Variants in SLIT3 observed in about 807,000 individuals in gnomAD.
SLIT3 encodes slit guidance ligand 3.
In SLIT3, 68 loss-of-function variants were observed where a neutral mutation model predicts 184.0. The ratio of observed to expected loss-of-function variants is 0.37; its 90% CI spans 0.30 to 0.45. The LOEUF (loss-of-function observed/expected upper bound fraction) is 0.45, where lower values mean the gene tolerates loss of function less well. SLIT3 is among the 20% of genes least tolerant of loss of function. SLIT3 has a pLI of 1.00. For missense variants in SLIT3, 1,707 were observed against 2,026.0 expected (o/e 0.84, Z 3.02); for synonymous variants, 831 against 828.6 (o/e 1.00, Z -0.05).
chr5:168,724,737 T>C (rs1202863220), intron 20 of SLIT3, among the ~76,000 whole-genome samples: 2 of 151,708 alleles, frequency 1.3e-5, no homozygotes, highest in East Asian at 3.9e-4. Context: ...TTGCCCACCG[T>C]TGGATCCCCC....
intron 1 of SLIT3, among the ~76,000 whole-genome samples, chr5:169,257,441 A>G (rs895245082): frequency 6.7e-6 from 1 of 149,542 alleles, no homozygotes; most frequent in Non-Finnish European, 1.5e-5. Context: ...TTCAAGAAAT[A>G]ACTCCTAAAC....
intron 4 of SLIT3, among the ~76,000 whole-genome samples, chr5:168,981,289 A>G (rs1754938068): frequency 6.6e-6 from 1 of 152,154 alleles, no homozygotes; most frequent in Non-Finnish European, 1.5e-5. Flanking sequence ...ATAGGGACTG[A>G]CTACGCAACA....
intron 1 of SLIT3, among the ~76,000 whole-genome samples, chr5:169,290,739 C>T (rs1182323754): frequency 1.3e-5 from 2 of 150,506 alleles, no homozygotes; most frequent in Non-Finnish European, 3.0e-5. Flanking sequence ...CACGCTAAGG[C>T]ACACACTAGG....
chr5:168,965,399 C>G (rs140725794), intron 4 of SLIT3, among the ~76,000 whole-genome samples: 1 of 152,296 alleles, frequency 6.6e-6, no homozygotes, highest in African/African-American at 2.4e-5. Flanking sequence ...AGCAAACGTT[C>G]AGGCTTTGAT....
At position 169,229,642 on chromosome 5, in the gene SLIT3, T is replaced by TTCTCTCTCTCTCTC. The variant is rs60056409; in HGVS notation, c.341+15049_341+15062dup. Among the ~76,000 whole-genome samples, 439 of 148,314 alleles carry TTCTCTCTCTCTCTC rather than the reference T, an allele frequency of 3.0e-3. 3 individuals carry two copies. Among genetic ancestry groups the TTCTCTCTCTCTCTC allele is most frequent in the Non-Finnish European group, 5.1e-3 (342 of 66,848 alleles). ...AAAGCGTACTTAGTCAAATAAATTCTTCTCTCTCTCTCTCTCTCTCTCTCT... is the reference window on the plus strand; with the variant it reads ...AAAGCGTACTTAGTCAAATAAATTCTTCTCTCTCTCTCTCTCTCTCTCTCTCTCTCTCTCTCTCT... On this transcript the variant is annotated intron_variant, in intron 3 of 35. Transcript: ENST00000519560.
chr5:169,188,337 C>T (rs1763430058), intron 4 of SLIT3, among the ~76,000 whole-genome samples: 3 of 152,166 alleles, frequency 2.0e-5, no homozygotes, highest in Admixed American at 2.0e-4. Flanking sequence ...AACCAGTCAG[C>T]CTTTAAATAA....
chr5:168,968,747 C>G (rs1754441290), intron 4 of SLIT3, among the ~76,000 whole-genome samples: 1 of 152,150 alleles, frequency 6.6e-6, no homozygotes, highest in South Asian at 2.1e-4. Context: ...CTCTGTAGGT[C>G]TTTGCCCTAC....
At chr5:169,058,505 G>T (rs912257040) in intron 4 of SLIT3, among the ~76,000 whole-genome samples, 1 of 152,218 alleles carries the variant, frequency 6.6e-6, no homozygotes, top group African/African-American at 2.4e-5. Context: ...GGGGCCTGCT[G>T]CCTGATATAT....
chr5:169,095,307 G>A (rs11134558), intron 4 of SLIT3, among the ~76,000 whole-genome samples: 30,344 of 151,988 alleles, frequency 0.2, 3,610 homozygotes, highest in Admixed American at 0.31. Context: ...ATCTTGCACC[G>A]AAAACCACAT....
chr5:169,137,319 C>CAA, intron 4 of SLIT3, among the ~76,000 whole-genome samples: 1 of 122,886 alleles, frequency 8.1e-6, no homozygotes, highest in African/African-American at 3.6e-5. Flanking sequence ...CACACACACA[C>CAA]ACACACACAC....
intron 4 of SLIT3, among the ~76,000 whole-genome samples, chr5:169,109,784 C>T (rs1760347147): frequency 6.6e-6 from 1 of 152,150 alleles, no homozygotes; most frequent in African/African-American, 2.4e-5. Flanking sequence ...TATGTTGTCC[C>T]TTTCTGTTTC....
chr5:169,023,444 G>A (rs1039162778), intron 4 of SLIT3, among the ~76,000 whole-genome samples: 2 of 152,136 alleles, frequency 1.3e-5, no homozygotes, highest in East Asian at 1.9e-4. Context: ...ATCTGTTTTC[G>A]AAACAGCTCT....
intron 3 of SLIT3, among the ~76,000 whole-genome samples, chr5:169,210,402 G>A (rs1342687156): frequency 6.6e-6 from 1 of 152,064 alleles, no homozygotes; most frequent in African/African-American, 2.4e-5. Flanking sequence ...AGAGGCCAAG[G>A]AAAAAGAAAG....
At chr5:168,779,045 G>T (rs1463766623) in intron 12 of SLIT3, among the ~76,000 whole-genome samples, 1 of 152,220 alleles carries the variant, frequency 6.6e-6, no homozygotes, top group African/African-American at 2.4e-5. Context: ...CAGGTGAACA[G>T]CAGGGGCCAC....
chr5:169,167,441 A>G (rs964585217), intron 4 of SLIT3, among the ~76,000 whole-genome samples: 2 of 147,038 alleles, frequency 1.4e-5, no homozygotes, highest in Non-Finnish European at 3.0e-5. Context: ...CACCTGGCTA[A>G]CTTTTTTTTG....
At chr5:169,106,180 C>G (rs1760199949) in intron 4 of SLIT3, among the ~76,000 whole-genome samples, 1 of 152,168 alleles carries the variant, frequency 6.6e-6, no homozygotes, top group African/African-American at 2.4e-5. Context: ...ACCTGCACAT[C>G]CTGCACCTGA....
chr5:168,917,622 C>T (rs982195901), intron 4 of SLIT3, among the ~76,000 whole-genome samples: 1 of 152,192 alleles, frequency 6.6e-6, no homozygotes, highest in Admixed American at 6.5e-5. Context: ...TCAGCCTTCT[C>T]TCTAAAACCT....
intron 23 of SLIT3, among the ~76,000 whole-genome samples, chr5:168,718,528 G>A (rs1299005147): frequency 1.3e-5 from 2 of 152,114 alleles, no homozygotes; most frequent in Non-Finnish European, 2.9e-5. Context: ...CCCCTAAGAT[G>A]GATGAAGATG....
At chr5:169,224,037 G>A (rs188117938) in intron 3 of SLIT3, among the ~76,000 whole-genome samples, 35 of 152,242 alleles carry the variant, frequency 2.3e-4, no homozygotes, top group East Asian at 1.2e-3. Context: ...AAGATACATC[G>A]GATTAGGAAA....
Sources: gnomAD v4.1 joint callset for allele counts (sites outside exome capture counted in the v4.1 genomes callset) on GRCh38, gnomAD v4.1.1 for gene constraint, MANE v1.5 for transcripts, NCBI Gene and HGNC (gene_info 2026-07-23, HGNC 2026-07-21) for gene names.